The following TPTE variants were observed in gnomAD, a reference collection of about 807,000 sequenced individuals.
TPTE encodes putative tyrosine-protein phosphatase TPTE.
In TPTE, 59 loss-of-function variants were observed where a neutral mutation model predicts 84.1. The observed-to-expected ratio is 0.70, with a 90% CI of 0.57 to 0.87. The LOEUF (loss-of-function observed/expected upper bound fraction) is 0.87, where lower values mean the gene tolerates loss of function less well. Ranked by LOEUF, TPTE falls within the 40% of genes least tolerant of loss-of-function variation. The probability of loss-of-function intolerance (pLI) is 0.00; values close to 1 mark genes in which losing one functional copy is unlikely to be tolerated. For synonymous variants in TPTE, 130 were observed against 223.5 expected (o/e 0.58, Z 3.73); for missense variants, 382 against 659.6 (o/e 0.58, Z 4.61).
At chr21:10,522,808 T>A (rs754081683) in intron 1 of TPTE, among the ~76,000 whole-genome samples, 1,851 of 151,578 alleles carry the variant, frequency 0.012, no homozygotes, top group South Asian at 0.065. Flanking sequence ...TTACATTGCA[T>A]AATGATCAAA....
chr21:10,571,356 G>T (rs2075039106), intron 14 of TPTE, among the ~76,000 whole-genome samples: 1 of 152,310 alleles, frequency 6.6e-6, no homozygotes, highest in African/African-American at 2.4e-5. Context: ...ACAACTATTG[G>T]AAAAAGTATT....
intron 21 of TPTE, among the ~76,000 whole-genome samples, chr21:10,601,808 A>G (rs1978555528): frequency 6.6e-6 from 1 of 152,428 alleles, no homozygotes; most frequent in Non-Finnish European, 1.5e-5. Flanking sequence ...AGCCGAGATC[A>G]TGCCACTGCA....
In TPTE at chr21:10,526,353, G is replaced by T. The variant is rs1299038556; in HGVS notation, c.-101-1002G>T. ...TAATGTCTATCTGTGCTTAAAGGTTGGAGCTATTGATCAGAGTCCAAAATT... is the reference window on the plus strand; with the variant it reads ...TAATGTCTATCTGTGCTTAAAGGTTTGAGCTATTGATCAGAGTCCAAAATT... On this transcript the variant is annotated intron_variant, in intron 2 of 23. Transcript: ENST00000618007. Among the ~76,000 whole-genome samples the T allele has an allele frequency of 2.0e-5, 3 of 152,304 alleles. No individual in the cohort carries two copies. The South Asian group carries it at 6.2e-4, about 31-fold the overall frequency.
At chr21:10,583,932 C>T (rs1421498653) in intron 17 of TPTE, among the ~76,000 whole-genome samples, 3 of 152,082 alleles carry the variant, frequency 2.0e-5, no homozygotes, top group African/African-American at 7.3e-5. Context: ...TCCTCATCAT[C>T]TTCTTCTTTT....
At chr21:10,566,846 G>A (rs1207740269) in intron 10 of TPTE, among the ~76,000 whole-genome samples, 5 of 152,410 alleles carry the variant, frequency 3.3e-5, no homozygotes, top group South Asian at 4.1e-4. Context: ...GTGTGGTGCC[G>A]GGCACCTGTA....
intron 4 of TPTE, among the ~76,000 whole-genome samples, chr21:10,539,023 A>G (rs2074319254): frequency 6.6e-6 from 1 of 152,310 alleles, no homozygotes; most frequent in Non-Finnish European, 1.5e-5. Context: ...TGTAGGTAAC[A>G]TTGCTTCCTT....
rs750499850 is a variant in TPTE, at chr21:10,569,754, A to G, written c.730+8A>G. ...ACCTCACTTACGTTACAGGTTTGTG[A>G]CACTTAACCGTTGATTTACTTGTAT... On this transcript the variant is annotated splice_region_variant and intron_variant, in intron 13 of 23. Transcript: ENST00000618007. 8 of 1,614,028 alleles carry G rather than the reference A, an allele frequency of 5.0e-6. No individual in the cohort carries two copies. In the South Asian group the frequency reaches 5.5e-5, roughly 11 times the overall value.
At chr21:10,604,616 T>G (rs778939280) in intron 23 of TPTE, among the ~76,000 whole-genome samples, 1,319 of 150,546 alleles carry the variant, frequency 8.8e-3, no homozygotes, top group South Asian at 0.043. Context: ...ACAAGTTTTT[T>G]TTTTTGGATG....
chr21:10,553,767 C>A (rs1568969143), intron 8 of TPTE, among the ~76,000 whole-genome samples: 1 of 152,308 alleles, frequency 6.6e-6, no homozygotes, highest in Non-Finnish European at 1.5e-5. Context: ...ATCATATATT[C>A]ATTCACCTGA....
At chr21:10,551,772 T>C (rs1484188876) in intron 7 of TPTE, among the ~76,000 whole-genome samples, 119 of 152,380 alleles carry the variant, frequency 7.8e-4, no homozygotes, top group Non-Finnish European at 1.4e-3. Flanking sequence ...TATTAGAGAC[T>C]ATTATGAGCA....
chr21:10,525,866 C>T (rs1417587020), intron 2 of TPTE, among the ~76,000 whole-genome samples: 1 of 152,308 alleles, frequency 6.6e-6, no homozygotes, highest in African/African-American at 2.4e-5. Flanking sequence ...ATGTCTCGTG[C>T]CCTTTTTGGA....
At chr21:10,524,196 C>T (rs1365926394) in intron 1 of TPTE, among the ~76,000 whole-genome samples, 1 of 152,310 alleles carries the variant, frequency 6.6e-6, no homozygotes, top group African/African-American at 2.4e-5. Context: ...CCATCCTCTG[C>T]CCTCTCTGTT....
In TPTE at chr21:10,525,384, G is replaced by A. The variant is rs1466266901; in HGVS notation, c.-102+696G>A. Among the ~76,000 whole-genome samples the A allele has an allele frequency of 4.6e-5, 7 of 152,296 alleles. No homozygotes were observed. In the East Asian group the frequency reaches 1.2e-3, roughly 25 times the overall value. The stretch of plus-strand genomic sequence containing the variant: ...ACACCCAAGGCTTGATCCTCATATG[G>A]TCCTATCTCCAGGAACGTTTAGGAA... On this transcript the variant is annotated intron_variant, in intron 2 of 23. Coordinates refer to ENST00000618007, the MANE Select transcript of TPTE (RefSeq NM_199261.4).
rs1242382357 is a variant in TPTE, at chr21:10,542,551, CCATCCATCCATT to C, written c.119+115_119+126del. On this transcript the variant is annotated intron_variant, in intron 6 of 23. Coordinates refer to ENST00000618007, the MANE Select transcript of TPTE (RefSeq NM_199261.4). ...ATACCCCATCCATCCATCCATCCAT[CCATCCATCCATT>C]CATCCATCCATCCATCCATCCATCC... 1.3e-3 allele frequency: 1,826 copies of C among 1,386,926 alleles called. No homozygotes were observed. The Admixed American group carries it at 0.022, about 17-fold the overall frequency. 85.9% of individuals were successfully genotyped at this position (1,386,926 alleles called of 1,614,324 possible).
chr21:10,592,805 G>GTGTGTGTGTGTGTGTGTGTGT (rs1555820855), intron 19 of TPTE, among the ~76,000 whole-genome samples: 3 of 148,854 alleles, frequency 2.0e-5, no homozygotes, highest in Non-Finnish European at 3.0e-5. Context: ...GATGACTCCT[G>GTGTGTGTGTGTGTGTGTGTGT]GTGTGTGTGT....
At chr21:10,524,174 G>GGGA (rs1488447251) in intron 1 of TPTE, among the ~76,000 whole-genome samples, 1 of 152,302 alleles carries the variant, frequency 6.6e-6, no homozygotes, top group African/African-American at 2.4e-5. Flanking sequence ...CTCTGAGCAA[G>GGGA]GGAGTCCCAT....
intron 3 of TPTE, among the ~76,000 whole-genome samples, chr21:10,535,494 AT>A (rs574208914): frequency 3.6e-4 from 54 of 151,928 alleles, no homozygotes; most frequent in Middle Eastern, 6.9e-3. Flanking sequence ...ATAACCTTCT[AT>A]TTTTTTTTTC....
At chr21:10,599,646 C>A (rs530298891) in intron 21 of TPTE, among the ~76,000 whole-genome samples, 42 of 152,354 alleles carry the variant, frequency 2.8e-4, no homozygotes, top group African/African-American at 9.1e-4. Flanking sequence ...TATTTTTCAA[C>A]AACGTCACTC....
Position 10,552,951 on chromosome 21 carries a change from A to G in TPTE, c.233+235A>G, listed in dbSNP as rs530611749. On this transcript the variant is annotated intron_variant, in intron 8 of 23. Transcript: ENST00000618007. The stretch of plus-strand genomic sequence containing the variant: ...GTTCTTCTAGCTTGAAAATGTAAAA[A>G]GTATTCTTAGAGGAAATTAATTCCA... 7.2e-5 allele frequency among the ~76,000 whole-genome samples: 11 copies of G among 152,418 alleles called. No individual in the cohort carries two copies. In the South Asian group the frequency reaches 2.3e-3, roughly 32 times the overall value.
Sources: gnomAD v4.1 joint callset for allele counts (sites outside exome capture counted in the v4.1 genomes callset) on GRCh38, gnomAD v4.1.1 for gene constraint, MANE v1.5 for transcripts, NCBI Gene and HGNC (gene_info 2026-07-23, HGNC 2026-07-21) for gene names.